Variants in CNNM2 observed in about 807,000 individuals in gnomAD.
CNNM2 encodes metal transporter CNNM2.
Under a neutral mutation model 66.9 loss-of-function variants are expected in CNNM2, and 12 were observed. The observed-to-expected ratio is 0.18, with a 90% confidence interval of 0.11 to 0.29. The LOEUF (loss-of-function observed/expected upper bound fraction) is 0.29, where lower values mean the gene tolerates loss of function less well. Among genes scored for constraint, CNNM2 ranks in the 10% least tolerant of loss-of-function variants. The pLI, the probability that CNNM2 is intolerant of heterozygous loss-of-function variation, is 1.00. For missense variants in CNNM2, 705 were observed against 1,167.7 expected, an observed-to-expected ratio of 0.60 and a Z score of 5.77; for synonymous variants, 557 against 501.8, an observed-to-expected ratio of 1.11 and a Z score of -1.47.
intron 1 of CNNM2, among the ~76,000 whole-genome samples, chr10:102,973,816 T>TCC (rs5787478): frequency 1.4e-5 from 2 of 143,494 alleles, no homozygotes; most frequent in African/African-American, 5.1e-5. Flanking sequence ...TTTCATGTAT[T>TCC]CCCCCCCCCC....
intron 4 of CNNM2, among the ~76,000 whole-genome samples, chr10:103,064,414 G>A (rs1162224786): frequency 6.6e-6 from 1 of 152,158 alleles, no homozygotes; most frequent in East Asian, 1.9e-4. Context: ...TTTGTTTTGA[G>A]ACAGTGCCTC....
At chr10:103,061,223 T>C (rs2065380955) in intron 4 of CNNM2, among the ~76,000 whole-genome samples, 1 of 152,020 alleles carries the variant, frequency 6.6e-6, no homozygotes, top group African/African-American at 2.4e-5. Flanking sequence ...TGAAACCCCG[T>C]CTCTACTAAA....
chr10:102,975,286 A>G (rs927282755), intron 1 of CNNM2, among the ~76,000 whole-genome samples: 1 of 152,178 alleles, frequency 6.6e-6, no homozygotes, highest in African/African-American at 2.4e-5. Context: ...TTAAATTGGC[A>G]CTCATAATAT....
At chr10:102,986,846 G>C (rs537562154) in intron 1 of CNNM2, among the ~76,000 whole-genome samples, 1 of 151,894 alleles carries the variant, frequency 6.6e-6, no homozygotes, top group Non-Finnish European at 1.5e-5. Context: ...TGGTGATTCA[G>C]CAGAAGCTGG....
chr10:102,935,545 C>G (rs1846205999), intron 1 of CNNM2, among the ~76,000 whole-genome samples: 1 of 151,934 alleles, frequency 6.6e-6, no homozygotes, highest in Non-Finnish European at 1.5e-5. Context: ...TAGAAGAAAC[C>G]CTGACTTCTG....
intron 1 of CNNM2, among the ~76,000 whole-genome samples, chr10:102,988,692 T>A (rs1193636721): frequency 6.6e-6 from 1 of 152,116 alleles, no homozygotes; most frequent in Non-Finnish European, 1.5e-5. Flanking sequence ...CTTGGTAAAA[T>A]TCTGCCCACA....
intron 1 of CNNM2, among the ~76,000 whole-genome samples, chr10:102,984,160 C>T (rs1371412690): frequency 4.6e-5 from 7 of 152,094 alleles, no homozygotes; most frequent in African/African-American, 7.2e-5. Flanking sequence ...ATGAAGATTA[C>T]GTGAATAAAG....
rs915277956 is a variant in CNNM2 at position 103,082,417 on chromosome 10, C to T, written c.*5237C>T. The T allele has an allele frequency of 1.3e-5, 2 of 152,152 alleles. No individual in the cohort carries two copies. Among genetic ancestry groups the T allele is most frequent in the Non-Finnish European group, 2.9e-5 (2 of 68,034 alleles). 9.4% of individuals were successfully genotyped at this position (152,152 alleles called of 1,614,324 possible). On this transcript the variant is annotated 3_prime_UTR_variant, in exon 8 of 8. Transcript: ENST00000369878. Reference sequence around the variant, plus strand: ...AATGAGGTCTTAGGATTCTCATTCCCCAGAGAGCCCCAGCCTCGCTTCTGA... The same window carrying T: ...AATGAGGTCTTAGGATTCTCATTCCTCAGAGAGCCCCAGCCTCGCTTCTGA...
At position 103,077,487 on chromosome 10, in the gene CNNM2, C is replaced by T. The variant is rs1262032402; in HGVS notation, c.*307C>T. On this transcript the variant is annotated 3_prime_UTR_variant, in exon 8 of 8. Transcript: ENST00000369878. ...TTTATCATTATTCACACTCCTCTGC[C>T]CTCGATTTGCATGAAGTTGAAAATT... is the stretch of plus-strand genomic sequence containing the variant. The T allele has an allele frequency of 5.7e-6, 2 of 348,398 alleles. No homozygotes were observed. Among genetic ancestry groups the T allele is most frequent in the Non-Finnish European group, 1.1e-5 (2 of 189,596 alleles). 21.6% of individuals were successfully genotyped at this position (348,398 alleles called of 1,614,324 possible). A position where few individuals can be genotyped will look rare whatever the true frequency, so the allele number is the denominator to read the frequency against.
chr10:103,021,504 CTG>C (rs1408988274), intron 1 of CNNM2, among the ~76,000 whole-genome samples: 2 of 152,064 alleles, frequency 1.3e-5, no homozygotes, highest in Non-Finnish European at 2.9e-5. Context: ...AATGGAGAGG[CTG>C]TGAGTATTGA....
intron 1 of CNNM2, among the ~76,000 whole-genome samples, chr10:103,033,245 A>G (rs1414516994): frequency 6.6e-6 from 1 of 151,824 alleles, no homozygotes; most frequent in Non-Finnish European, 1.5e-5. Flanking sequence ...CTGGAGTACA[A>G]TGGCATGATC....
At position 103,080,089 on chromosome 10, in the gene CNNM2, CCCTCCCGCG is replaced by C. The variant is rs1359594208; in HGVS notation, c.*2910_*2918del. The stretch of plus-strand genomic sequence containing the variant: ...GCTCTTTGGCACCTCCGCTGGACTG[CCCTCCCGCG>C]GCGGTGACCTTTTCAAGTGTGGAAG... On this transcript the variant is annotated 3_prime_UTR_variant, in exon 8 of 8. Transcript: ENST00000369878. 3.3e-5 allele frequency: 5 copies of C among 152,388 alleles called. No homozygotes were observed. The highest frequency in any genetic ancestry group is 1.2e-4 in the African/African-American group (5 of 41,572). 9.4% of individuals were successfully genotyped at this position (152,388 alleles called of 1,614,324 possible). A position where few individuals can be genotyped will look rare whatever the true frequency, so the allele number is the denominator to read the frequency against.
intron 1 of CNNM2, among the ~76,000 whole-genome samples, chr10:103,001,810 C>A (rs1458494238): frequency 6.6e-6 from 1 of 151,854 alleles, no homozygotes; most frequent in African/African-American, 2.4e-5. Context: ...TCGAGACCAG[C>A]CTAGCCAAAA....
chr10:103,021,612 G>A (rs1462255131), intron 1 of CNNM2, among the ~76,000 whole-genome samples: 1 of 152,120 alleles, frequency 6.6e-6, no homozygotes, highest in African/African-American at 2.4e-5. Context: ...TGATAGTCTT[G>A]CTCCCACAGT....
Position 103,056,087 on chromosome 10 carries a change from CA to C in CNNM2, c.1904-694del, listed in dbSNP as rs34015679. 0.015 allele frequency among the ~76,000 whole-genome samples: 1,775 copies of C among 119,754 alleles called. 32 individuals carry two copies. Among genetic ancestry groups the C allele is most frequent in the African/African-American group, 0.05 (1,590 of 31,744 alleles). The allele number at this position is 119,754 out of a possible 152,430, so 78.6% of individuals were successfully genotyped here. On this transcript the variant is annotated intron_variant, in intron 3 of 7. Coordinates refer to ENST00000369878, the MANE Select transcript of CNNM2 (RefSeq NM_017649.5). ...TGGGTGACAGAGTGAGACTCCTTCT[CA>C]AAAAAAAAAAAAATTTAAATTAAAA...
chr10:103,071,660 A>G, intron 5 of CNNM2, 114 bp from the exon 6 acceptor site: 1 of 853,972 alleles, frequency 1.2e-6, no homozygotes, highest in East Asian at 2.4e-5. Flanking sequence ...CATTTCTGCA[A>G]CTGAATGCTC....
intron 1 of CNNM2, chr10:102,927,310 A>T: frequency 6.2e-7 from 1 of 1,612,944 alleles, no homozygotes; most frequent in Non-Finnish European, 8.5e-7. Flanking sequence ...AGTTTTTTAA[A>T]GTATTGTCTT....
Position 103,011,272 on chromosome 10 carries a change from A to G in CNNM2, c.1622-38435A>G, listed in dbSNP as rs4917990. On this transcript the variant is annotated intron_variant, in intron 1 of 7. Transcript: ENST00000369878. Reference sequence around the variant, plus strand: ...GTTCGAGACCAGCTTGACCAACATGATGAAACCCTGTCTCTACTAAAAATA... The same window carrying G: ...GTTCGAGACCAGCTTGACCAACATGGTGAAACCCTGTCTCTACTAAAAATA... 0.41 allele frequency among the ~76,000 whole-genome samples: 61,874 copies of G among 151,730 alleles called. 12,836 individuals are homozygous for G. Among genetic ancestry groups the G allele is most frequent in the East Asian group, 0.56 (2,856 of 5,112 alleles).
rs565707888 is a variant in CNNM2 at position 103,085,993 on chromosome 10, G to C, written c.*8813G>C. 7.2e-5 allele frequency: 11 copies of C among 152,424 alleles called. No homozygotes were observed. The highest frequency in any genetic ancestry group is 2.4e-4 in the African/African-American group (10 of 41,554). 9.4% of individuals were successfully genotyped at this position (152,424 alleles called of 1,614,324 possible). A position where few individuals can be genotyped will look rare whatever the true frequency, so the allele number is the denominator to read the frequency against. ...CTGCTGTTTCTAGATACCTAGCAGC[G>C]CGAGAACTGTGTGACGTGCTGCGTT... is the stretch of plus-strand genomic sequence containing the variant. On this transcript the variant is annotated 3_prime_UTR_variant, in exon 8 of 8. Coordinates refer to ENST00000369878, the MANE Select transcript of CNNM2 (RefSeq NM_017649.5).
Sources: gnomAD v4.1 joint callset for allele counts (sites outside exome capture counted in the v4.1 genomes callset) on GRCh38, gnomAD v4.1.1 for gene constraint, MANE v1.5 for transcripts, NCBI Gene and HGNC (gene_info 2026-07-23, HGNC 2026-07-21) for gene names.